Variants in EBF4 observed in about 807,000 individuals in gnomAD.
The protein encoded by EBF4 is EBF transcription factor 4.
In EBF4, 34 loss-of-function variants were observed where a neutral mutation model predicts 67.1. That is an observed-to-expected ratio of 0.51 (90% CI 0.39 to 0.67). The LOEUF (loss-of-function observed/expected upper bound fraction) is 0.67. Among genes scored for constraint, EBF4 ranks in the 30% least tolerant of loss-of-function variants. EBF4 has a pLI of 0.00. For missense variants in EBF4, 837 were observed against 873.3 expected, an observed-to-expected ratio of 0.96 and a Z score of 0.52; for synonymous variants, 387 against 377.7, an observed-to-expected ratio of 1.02 and a Z score of -0.29.
At chr20:2,757,603 AG>A (rs1183446696) in intron 15 of EBF4, among the ~76,000 whole-genome samples, 6 of 152,190 alleles carry the variant, frequency 3.9e-5, no homozygotes, top group East Asian at 1.9e-4. Flanking sequence ...CTTAGGCTGA[AG>A]GTATGTGGGT....
rs548141280 is a variant in EBF4, at chr20:2,759,111, T to C, written c.*5+127T>C. 1.1e-4 allele frequency: 103 copies of C among 919,184 alleles called. No homozygotes were observed. In the African/African-American group the frequency reaches 1.6e-3, roughly 14 times the overall value. 56.9% of individuals were successfully genotyped at this position (919,184 alleles called of 1,614,324 possible). Reference sequence around the variant, plus strand: ...GCCCCACAGGGATGGGGAGCTGGGGTCCAAGTCTTCCTCCCCGGGGCCCAT... The same window carrying C: ...GCCCCACAGGGATGGGGAGCTGGGGCCCAAGTCTTCCTCCCCGGGGCCCAT... On this transcript the variant is annotated intron_variant, in intron 16 of 16. Transcript: ENST00000609451.
rs759586302 is a variant in EBF4 at position 2,749,936 on chromosome 20, G to C, written c.981G>C (p.Gln327His). Residue 327 changes from glutamine (Q) to histidine (H), a missense_variant, in exon 10 of 17, where the codon CAG (glutamine) becomes CAC (histidine). Gln to His is a conservative substitution (Grantham distance 24, BLOSUM62 0). Coordinates refer to ENST00000609451, the Ensembl canonical transcript of EBF4. ...TGACCCTCTCCTACAAGTCCAAGCA[G>C]TTTTGCAAGGGATGCCCCGGCCGCT... 7.1e-6 allele frequency: 11 copies of C among 1,551,602 alleles called. No homozygotes were observed. The South Asian group carries it at 1.1e-4, about 15-fold the overall frequency.
Position 2,693,888 on chromosome 20 carries a change from C to T in EBF4, c.137+106C>T. ...GCCAGGGGCGGAAGGAGCCCTAACT[C>T]TGGACGGTCCCGGCGAGCTCCCCGG... On this transcript the variant is annotated intron_variant, in intron 1 of 16. Coordinates refer to ENST00000609451, the Ensembl canonical transcript of EBF4. The surrounding 1 kb of genome is among the most constrained non-coding windows in gnomAD (Gnocchi z 4.6). 2.4e-6 allele frequency: 3 copies of T among 1,233,734 alleles called. No homozygotes were observed. Among genetic ancestry groups the T allele is most frequent in the Non-Finnish European group, 3.0e-6 (3 of 983,732 alleles). The allele number at this position is 1,233,734 out of a possible 1,614,324, so 76.4% of individuals were successfully genotyped here.
At chr20:2,742,142 T>TA (rs1361040506) in intron 6 of EBF4, among the ~76,000 whole-genome samples, 1 of 152,222 alleles carries the variant, frequency 6.6e-6, no homozygotes, top group Non-Finnish European at 1.5e-5. Context: ...GAAGGACTTC[T>TA]AGGACTCTTG....
chr20:2,738,482 G>A (rs1372006189), intron 6 of EBF4, among the ~76,000 whole-genome samples: 1 of 152,118 alleles, frequency 6.6e-6, no homozygotes, highest in African/African-American at 2.4e-5. Flanking sequence ...GACTTGTGTG[G>A]GTGCATGTGT....
intron 1 of EBF4, among the ~76,000 whole-genome samples, chr20:2,702,854 C>A (rs1029140203): frequency 6.6e-6 from 1 of 152,166 alleles, no homozygotes; most frequent in Non-Finnish European, 1.5e-5. Context: ...TCTTGTCCCC[C>A]ACACTGCACC....
At chr20:2,712,234 C>T (rs180688474) in intron 6 of EBF4, among the ~76,000 whole-genome samples, 127 of 152,246 alleles carry the variant, frequency 8.3e-4, no homozygotes, top group Non-Finnish European at 1.7e-3. Context: ...GCCATATTGA[C>T]AATGACCTGT....
At chr20:2,729,009 A>G (rs1404715712) in intron 6 of EBF4, among the ~76,000 whole-genome samples, 1 of 151,892 alleles carries the variant, frequency 6.6e-6, no homozygotes, top group East Asian at 1.9e-4. Context: ...TTGTTAGAAC[A>G]GCTACTAGAT....
intron 5 of EBF4, 76 bp from the exon 6 acceptor site, chr20:2,709,498 C>G: frequency 7.2e-7 from 1 of 1,396,472 alleles, no homozygotes. Flanking sequence ...TCAGGGCGCC[C>G]CCCACAACTC....
chr20:2,758,189 C>G (rs2088274082), intron 15 of EBF4, among the ~76,000 whole-genome samples: 1 of 152,210 alleles, frequency 6.6e-6, no homozygotes, highest in African/African-American at 2.4e-5. Context: ...AAGTCATCAG[C>G]CATTTCTCAG....
At position 2,751,303 on chromosome 20, in the gene EBF4, T is replaced by C. The variant is rs2088141185; in HGVS notation, c.1019-397T>C. On this transcript the variant is annotated intron_variant, in intron 10 of 16. Coordinates refer to ENST00000609451, the Ensembl canonical transcript of EBF4. This position sits in a 1 kb window ranked among gnomAD's most constrained non-coding sequence, Gnocchi z 5.2. The stretch of plus-strand genomic sequence containing the variant: ...CGTGATAAATGGAGATTGTTAAGTT[T>C]TTTCTTTTTTATAATAAACTCCTGA... 6.6e-6 allele frequency among the ~76,000 whole-genome samples: 1 copy of C among 152,112 alleles called. No individual in the cohort carries two copies. The highest frequency in any genetic ancestry group is 2.4e-5 in the African/African-American group (1 of 41,420).
chr20:2,749,530 CGGCCCAGCCCCGGCCGCCGCG>C lies in EBF4; in HGVS notation c.757+22_757+42del, dbSNP rs767282829. On this transcript the variant is annotated intron_variant, in intron 8 of 16. Transcript: ENST00000609451. ...GGACCCCTCCGAAGGTCAGGACCCC[CGGCCCAGCCCCGGCCGCCGCG>C]GGCCCAGCCAGCCCCCCAGGCCCCA... is the stretch of plus-strand genomic sequence containing the variant. 11 of 1,541,912 alleles carry C rather than the reference CGGCCCAGCCCCGGCCGCCGCG, an allele frequency of 7.1e-6. No homozygotes were observed. The highest frequency in any genetic ancestry group is 1.8e-4 in the Middle Eastern group (1 of 5,520).
chr20:2,750,892 G>A (rs1259327584), intron 10 of EBF4, among the ~76,000 whole-genome samples: 2 of 152,190 alleles, frequency 1.3e-5, no homozygotes, highest in East Asian at 3.9e-4. Flanking sequence ...CCGATCCCCA[G>A]AAGTGAGTGC....
At position 2,707,959 on chromosome 20, in the gene EBF4, GA is replaced by G; in HGVS notation, c.428del (p.Glu143GlyfsTer58). Reference sequence around the variant, plus strand: ...TCCCTCTCCCCAGGCCATCATCTATGAGGGGCAGGACAAGAACCCCGAAATG... The same window carrying G: ...TCCCTCTCCCCAGGCCATCATCTATGGGGGCAGGACAAGAACCCCGAAATG... On this transcript the variant is annotated frameshift_variant, in exon 5 of 17. Coordinates refer to ENST00000609451, the Ensembl canonical transcript of EBF4. LOFTEE classifies it high-confidence loss of function. This position sits in a 1 kb window ranked among gnomAD's most constrained non-coding sequence, Gnocchi z 4.6. 6.2e-7 allele frequency: 1 copy of G among 1,602,966 alleles called. No homozygotes were observed. The highest frequency in any genetic ancestry group is 8.5e-7 in the Non-Finnish European group (1 of 1,174,210).
intron 6 of EBF4, among the ~76,000 whole-genome samples, chr20:2,748,159 G>A (rs1054302548): frequency 6.6e-6 from 1 of 152,096 alleles, no homozygotes; most frequent in East Asian, 1.9e-4. Context: ...CGCCACATAC[G>A]GAGCATATAT....
rs567652993 is a variant in EBF4, at chr20:2,740,138, C to T, written c.558-8411C>T. Among the ~76,000 whole-genome samples the T allele has an allele frequency of 2.9e-3, 441 of 152,262 alleles. 1 individual carries two copies. Among genetic ancestry groups the T allele is most frequent in the African/African-American group, 9.4e-3 (389 of 41,550 alleles). ...GACCAGCCTGACCAATATGGTGAAA[C>T]GCTGTCTCTACTAAAAATACAAAAA... is the stretch of plus-strand genomic sequence containing the variant. On this transcript the variant is annotated intron_variant, in intron 6 of 16. Coordinates refer to ENST00000609451, the Ensembl canonical transcript of EBF4.
In EBF4 at chr20:2,720,286, C is replaced by T. The variant is rs2087662933; in HGVS notation, c.557+10644C>T. ...TGAATTTTTGTATTTTTGGTAAAGA[C>T]AGGGTTTCACTATGTTGGCCAGGCT... is the stretch of plus-strand genomic sequence containing the variant. On this transcript the variant is annotated intron_variant, in intron 6 of 16. Coordinates refer to ENST00000609451, the Ensembl canonical transcript of EBF4. Among the ~76,000 whole-genome samples the T allele has an allele frequency of 2.0e-5, 3 of 152,106 alleles. No homozygotes were observed. The South Asian group carries it at 6.2e-4, about 32-fold the overall frequency.
At chr20:2,753,894 GC>G (rs1382559802) in intron 14 of EBF4, among the ~76,000 whole-genome samples, 1 of 152,014 alleles carries the variant, frequency 6.6e-6, no homozygotes, top group African/African-American at 2.4e-5. Context: ...CTTTGCTCAG[GC>G]CAGGATTGAC....
In EBF4 at chr20:2,751,659, C is replaced by T; in HGVS notation, c.1019-41C>T. 3.2e-6 allele frequency: 5 copies of T among 1,543,208 alleles called. No individual in the cohort carries two copies. The highest frequency in any genetic ancestry group is 4.4e-6 in the Non-Finnish European group (5 of 1,140,664). On this transcript the variant is annotated intron_variant, in intron 10 of 16. Coordinates refer to ENST00000609451, the Ensembl canonical transcript of EBF4. This position sits in a 1 kb window ranked among gnomAD's most constrained non-coding sequence, Gnocchi z 5.2. ...TGCGTCTCACCCTGGGAGTGGGGGG[C>T]TGCGGGGGAGACGTCCTCCAAACGC...
Sources: allele counts gnomAD v4.1 joint callset (sites outside exome capture counted in the v4.1 genomes callset), GRCh38; gene constraint gnomAD v4.1.1; non-coding constraint Gnocchi (gnomAD v3.1); transcripts MANE v1.5; gene names NCBI Gene and HGNC (gene_info 2026-07-23, HGNC 2026-07-21).